Variants in GFRA4 observed in about 807,000 individuals in gnomAD.
GFRA4 encodes GDNF family receptor alpha-4.
A neutral mutation model predicts 28.5 loss-of-function variants in GFRA4; 31 were observed. The observed-to-expected ratio is 1.09, with a 90% CI of 0.82 to 1.47. GFRA4 has a LOEUF of 1.47. GFRA4 is among the 40% of genes most tolerant of loss of function. GFRA4 has a pLI of 0.00. For synonymous variants in GFRA4, 188 were observed against 188.0 expected, an observed-to-expected ratio of 1.00 and a Z score of 0.00; for missense variants, 389 against 413.2, an observed-to-expected ratio of 0.94 and a Z score of 0.51.
intron 1 of GFRA4, among the ~76,000 whole-genome samples, chr20:3,662,489 C>A (rs544808154): frequency 7.2e-5 from 11 of 152,316 alleles, no homozygotes; most frequent in South Asian, 6.2e-4. Flanking sequence ...GTATCCCCCC[C>A]CCAGGGCTGG....
chr20:3,659,919 G>T lies in GFRA4; in HGVS notation c.800C>A (p.Ala267Asp), dbSNP rs774384904. The T allele has an allele frequency of 5.0e-6, 8 of 1,595,626 alleles. No individual in the cohort carries two copies. The South Asian group carries it at 8.0e-5, about 16-fold the overall frequency. The change falls in exon 6 of 6, where the codon GCC (alanine) becomes GAC (aspartate). Residue 267 changes from alanine to aspartate, a missense_variant. Transcript: ENST00000290417. ...LSILPVLALP[A>D]LL ...AGGTCGCTGTCCTAATCAGAGCAGG[G>T]CCGGGAGAGCCAGGACAGGAAGTAT...
At position 3,659,902 on chromosome 20, in the gene GFRA4, G is replaced by A; in HGVS notation, c.*7C>T. ...GCTGGCTGTGCTATCCGAGGTCGCT[G>A]TCCTAATCAGAGCAGGGCCGGGAGA... On this transcript the variant is annotated 3_prime_UTR_variant, in exon 6 of 6. Coordinates refer to ENST00000290417, the MANE Select transcript of GFRA4 (RefSeq NM_022139.4). 1 of 1,589,172 alleles carries A rather than the reference G, an allele frequency of 6.3e-7. No homozygotes were observed.
chr20:3,661,390 G>T, intron 1 of GFRA4, 101 bp from the exon 2 acceptor site: 1 of 1,326,962 alleles, frequency 7.5e-7, no homozygotes, highest in South Asian at 1.9e-5. Context: ...CTGAAAACCC[G>T]AGAAAGCATA....
chr20:3,663,142 C>A (rs750916648), intron 1 of GFRA4, among the ~76,000 whole-genome samples: 2 of 151,936 alleles, frequency 1.3e-5, no homozygotes, highest in Non-Finnish European at 2.9e-5. Flanking sequence ...AGGGGGATGG[C>A]GGTGGTGGCT....
In GFRA4 at chr20:3,661,102, C is replaced by G. The variant is rs1199569641; in HGVS notation, c.234G>C (p.Ala78=). The G allele has an allele frequency of 5.3e-6, 7 of 1,317,028 alleles. No homozygotes were observed. Among genetic ancestry groups the G allele is most frequent in the Non-Finnish European group, 6.7e-6 (7 of 1,041,710 alleles). The allele number at this position is 1,317,028 out of a possible 1,614,324, so 81.6% of individuals were successfully genotyped here. ...GGCAGAAGAGCAGTGCGTGGGTGAG[C>G]GCGGGCGGCCCGCGGGCGAAGAAGC... is the stretch of plus-strand genomic sequence containing the variant. The part of the protein sequence containing the change: ...LRRFFARGPP[A]LTHALLFCPC... Residue 78 remains alanine, a synonymous_variant, in exon 2 of 6, where the codon GCG becomes GCC. Coordinates refer to ENST00000290417, the MANE Select transcript of GFRA4 (RefSeq NM_022139.4).
At chr20:3,663,320 G>T in intron 1 of GFRA4, 34 bp downstream of exon 1, 1 of 1,602,914 alleles carries the variant, frequency 6.2e-7, no homozygotes, top group East Asian at 2.2e-5. Flanking sequence ...GAGAGGCCAG[G>T]GTTCGGGGTC....
At chr20:3,660,902 C>A (rs751214811) in intron 2 of GFRA4, 38 bp from the exon 3 acceptor site, 30 of 1,383,674 alleles carry the variant, frequency 2.2e-5, no homozygotes, top group Non-Finnish European at 2.6e-5. Flanking sequence ...AGAGAGGCCC[C>A]GTCCCCACCC....
chr20:3,662,544 G>C (rs1219582540), intron 1 of GFRA4, among the ~76,000 whole-genome samples: 1 of 152,206 alleles, frequency 6.6e-6, no homozygotes, highest in Non-Finnish European at 1.5e-5. Context: ...TCAGGCTGTG[G>C]ATTGGACCGC....
chr20:3,660,540 C>T lies in GFRA4; in HGVS notation c.623G>A (p.Arg208Lys). 6.5e-7 allele frequency: 1 copy of T among 1,549,932 alleles called. No individual in the cohort carries two copies. The change falls in exon 4 of 6, where the codon AGG becomes AAG. Residue 208 changes from arginine to lysine, a missense_variant. Arg to Lys is a conservative substitution (Grantham distance 26). Coordinates refer to ENST00000290417, the MANE Select transcript of GFRA4 (RefSeq NM_022139.4). ...GGGCCCCTCACCCAAGCAGCGGTTC[C>T]TGGTAAAGAGCCCCCGGAAGGCTTC... is the stretch of plus-strand genomic sequence containing the variant. ...DCEAFRGLFT[R>K]NRCLDGAIQA...
rs1170113771 is a variant in GFRA4, at chr20:3,659,569, A to T, written c.*340T>A. The T allele has an allele frequency of 1.1e-5, 4 of 374,324 alleles. No individual in the cohort carries two copies. The highest frequency in any genetic ancestry group is 2.1e-5 in the African/African-American group (1 of 46,810). The allele number at this position is 374,324 out of a possible 1,614,324, so 23.2% of individuals were successfully genotyped here. A position where few individuals can be genotyped will look rare whatever the true frequency, so the allele number is the denominator to read the frequency against. On this transcript the variant is annotated 3_prime_UTR_variant, in exon 6 of 6. Coordinates refer to ENST00000290417, the MANE Select transcript of GFRA4 (RefSeq NM_022139.4). ...GATGGTCTCTGACCTGCTCTAGGGG[A>T]TCTGGGTCTCCAGAGAGGTCTCAGC... is the stretch of plus-strand genomic sequence containing the variant.
In GFRA4 at chr20:3,661,013, GA is replaced by G. The variant is rs1433930694; in HGVS notation, c.322del (p.Ser108ArgfsTer14). On this transcript the variant is annotated frameshift_variant, in exon 2 of 6. Transcript: ENST00000290417. LOFTEE classifies it high-confidence loss of function. ...GGAGGGCGGCGCGGGGCCGGGCCCC[GA>G]AAAGGCGCAGGAGGGCACGAAGGTC... ...RQTFVPSCAF[S>X]GPGPAPPSCL... 8.2e-6 allele frequency: 12 copies of G among 1,465,430 alleles called. No individual in the cohort carries two copies. Among genetic ancestry groups the G allele is most frequent in the Admixed American group, 5.1e-5 (2 of 39,572 alleles). The allele number at this position is 1,465,430 out of a possible 1,614,324, so 90.8% of individuals were successfully genotyped here. A position where few individuals can be genotyped will look rare whatever the true frequency, so the allele number is the denominator to read the frequency against.
At chr20:3,660,907 C>G (rs1371085609) in intron 2 of GFRA4, 37 bp downstream of exon 2, 2 of 1,382,238 alleles carry the variant, frequency 1.4e-6, no homozygotes, top group African/African-American at 3.1e-5. Flanking sequence ...GGCCCCGTCC[C>G]CACCCTCGCC....
intron 2 of GFRA4, 33 bp downstream of exon 2, chr20:3,660,911 C>A: frequency 7.2e-7 from 1 of 1,382,146 alleles, no homozygotes; most frequent in Non-Finnish European, 9.3e-7. Flanking sequence ...CCGTCCCCAC[C>A]CTCGCCACGG....
Position 3,659,746 on chromosome 20 carries a change from C to A in GFRA4, c.*163G>T. The A allele has an allele frequency of 3.1e-6, 2 of 654,926 alleles. No homozygotes were observed. The highest frequency in any genetic ancestry group is 5.2e-6 in the Non-Finnish European group (2 of 382,614). 40.6% of individuals were successfully genotyped at this position (654,926 alleles called of 1,614,324 possible). ...AGCCTACATCCCTTGCCCCAGGGGA[C>A]GGCACACAGGGTGTCCAAACCTACA... is the stretch of plus-strand genomic sequence containing the variant. On this transcript the variant is annotated 3_prime_UTR_variant, in exon 6 of 6. Coordinates refer to ENST00000290417, the MANE Select transcript of GFRA4 (RefSeq NM_022139.4).
In GFRA4 at chr20:3,663,358, T is replaced by TAACAGCAGC; in HGVS notation, c.33_41dup (p.Leu13_Leu15dup). 2 of 1,610,894 alleles carry TAACAGCAGC rather than the reference T, an allele frequency of 1.2e-6. No individual in the cohort carries two copies. Among genetic ancestry groups the TAACAGCAGC allele is most frequent in the Non-Finnish European group, 1.7e-6 (2 of 1,179,152 alleles). Reference sequence around the variant, plus strand: ...GGGGAAGAGAGGGGCGCTCACCCAGTAACAGCAGCAGCAGCAGCGCAGGCC... The same window carrying TAACAGCAGC: ...GGGGAAGAGAGGGGCGCTCACCCAGTAACAGCAGCAACAGCAGCAGCAGCAGCGCAGGCC... On this transcript the variant is annotated inframe_insertion, in exon 1 of 6. Transcript: ENST00000290417.
At chr20:3,662,442 A>G (rs919742256) in intron 1 of GFRA4, among the ~76,000 whole-genome samples, 1 of 151,558 alleles carries the variant, frequency 6.6e-6, no homozygotes, top group Middle Eastern at 3.2e-3. Context: ...CCCCTCATCC[A>G]TCTCCCTGTG....
chr20:3,660,154 C>A lies in GFRA4; in HGVS notation c.729+4G>T. 1 of 1,583,722 alleles carries A rather than the reference C, an allele frequency of 6.3e-7. No individual in the cohort carries two copies. The highest frequency in any genetic ancestry group is 8.6e-7 in the Non-Finnish European group (1 of 1,164,050). ...CCAGCTCACCCTCCCCTCCCTGCAC[C>A]TACCTGCAGGAGGCTGTGCTCCGGG... On this transcript the variant is annotated splice_donor_region_variant and intron_variant, in intron 5 of 5. Transcript: ENST00000290417.
chr20:3,661,221 A>C lies in GFRA4; in HGVS notation c.115T>G (p.Cys39Gly), dbSNP rs146579049. Residue 39 changes from cysteine (C) to glycine (G), a missense_variant, in exon 2 of 6, where the codon TGC (cysteine) becomes GGC (glycine). Transcript: ENST00000290417. The stretch of plus-strand genomic sequence containing the variant: ...ACATACTCGGAGCGCAAACGCTGGC[A>C]CCGCGCGTCCGCCGTGCAGGCTTCG... ...AAEACTADAR[C>G]QRLRSEYVAQ... 4.7e-6 allele frequency: 7 copies of C among 1,502,156 alleles called. No homozygotes were observed. The highest frequency in any genetic ancestry group is 6.2e-6 in the Non-Finnish European group (7 of 1,131,954). 93.1% of individuals were successfully genotyped at this position (1,502,156 alleles called of 1,614,324 possible). A position where few individuals can be genotyped will look rare whatever the true frequency, so the allele number is the denominator to read the frequency against.
In GFRA4 at chr20:3,663,382, C is replaced by T; in HGVS notation, c.18G>A (p.Gly6=). ...GTAACAGCAGCAGCAGCAGCGCAGG[C>T]CCCAGGCAGCGGACCATGCTGGACC... MVRCL[G]PALLLLLLLG... is the part of the protein sequence containing the mutation. Residue 6 remains glycine (G), a synonymous_variant, in exon 1 of 6, where the codon GGG becomes GGA. Coordinates refer to ENST00000290417, the MANE Select transcript of GFRA4 (RefSeq NM_022139.4). 6.2e-7 allele frequency: 1 copy of T among 1,610,872 alleles called. No individual in the cohort carries two copies. The highest frequency in any genetic ancestry group is 8.5e-7 in the Non-Finnish European group (1 of 1,179,234).
Sources: gnomAD v4.1 joint callset for allele counts (sites outside exome capture counted in the v4.1 genomes callset) on GRCh38, gnomAD v4.1.1 for gene constraint, MANE v1.5 for transcripts, NCBI Gene and HGNC (gene_info 2026-07-23, HGNC 2026-07-21) for gene names.